TGFBR3: variants seen among roughly 807,000 people sequenced by gnomAD.
The protein encoded by TGFBR3 is transforming growth factor beta receptor 3, also known as transforming growth factor beta receptor type 3.
Under a neutral mutation model 87.9 loss-of-function variants are expected in TGFBR3, and 46 were observed. The observed-to-expected ratio is 0.52, with a 90% confidence interval of 0.41 to 0.67. TGFBR3 has a LOEUF of 0.67. TGFBR3 is among the 30% of genes least tolerant of loss of function. The pLI, the probability that TGFBR3 is intolerant of heterozygous loss-of-function variation, is 0.00. For synonymous variants in TGFBR3, 381 were observed against 391.6 expected (o/e 0.97, Z 0.32); for missense variants, 866 against 1,041.9 (o/e 0.83, Z 2.32).
At chr1:91,738,938 G>A (rs1200832954) in intron 4 of TGFBR3, among the ~76,000 whole-genome samples, 2 of 152,280 alleles carry the variant, frequency 1.3e-5, no homozygotes, top group Non-Finnish European at 2.9e-5. Context: ...TAAAGGAGAC[G>A]AAAGAACAAA....
chr1:91,886,848 G>A (rs1679332738), upstream of TGFBR3, among the ~76,000 whole-genome samples: 1 of 151,888 alleles, frequency 6.6e-6, no homozygotes, highest in Non-Finnish European at 1.5e-5. Context: ...CAGCATTACC[G>A]GCGTTACCCG....
chr1:91,689,579 C>G (rs1671202661), intron 16 of TGFBR3, among the ~76,000 whole-genome samples: 1 of 152,066 alleles, frequency 6.6e-6, no homozygotes, highest in South Asian at 2.1e-4. Context: ...AACCGAAACA[C>G]ATGTTAATTA....
At position 91,682,419 on chromosome 1, in the gene TGFBR3, T is replaced by TTTC. The variant is rs1479758126; in HGVS notation, c.*1319_*1320insGAA. On this transcript the variant is annotated 3_prime_UTR_variant, in exon 17 of 17. Coordinates refer to ENST00000212355, the MANE Select transcript of TGFBR3 (RefSeq NM_003243.5). ...CCCTGGCATTCTTTTTTTTTTTTTT[T>TTTC]TTTTTTAACAAGGAGGTATCACTGA... The TTTC allele has an allele frequency of 2.3e-6, 1 of 426,252 alleles. No individual in the cohort carries two copies. The highest frequency in any genetic ancestry group is 4.6e-6 in the Non-Finnish European group (1 of 219,182). 26.4% of individuals were successfully genotyped at this position (426,252 alleles called of 1,614,324 possible). A position where few individuals can be genotyped will look rare whatever the true frequency, so the allele number is the denominator to read the frequency against.
At chr1:91,703,648 G>A (rs1437899369) in intron 14 of TGFBR3, among the ~76,000 whole-genome samples, 1 of 152,174 alleles carries the variant, frequency 6.6e-6, no homozygotes, top group Non-Finnish European at 1.5e-5. Flanking sequence ...CCGACGTGGT[G>A]TAATCATTTT....
At chr1:91,882,474 G>A (rs1032561684) in intron 1 of TGFBR3, among the ~76,000 whole-genome samples, 4 of 151,876 alleles carry the variant, frequency 2.6e-5, no homozygotes, top group South Asian at 2.1e-4. Flanking sequence ...GCCAGGCACC[G>A]TGGCTCACGC....
intron 4 of TGFBR3, among the ~76,000 whole-genome samples, chr1:91,736,105 G>A (rs1326907986): frequency 1.3e-5 from 2 of 151,946 alleles, no homozygotes; most frequent in African/African-American, 4.8e-5. Flanking sequence ...TTATATAAAC[G>A]TATCTTCTAA....
chr1:91,855,988 A>G (rs1268648093), intron 2 of TGFBR3, among the ~76,000 whole-genome samples: 1 of 151,836 alleles, frequency 6.6e-6, no homozygotes. Flanking sequence ...GCTCGTGTTC[A>G]CCAAGAGCAC....
chr1:91,707,282 C>T (rs1384531112), intron 14 of TGFBR3, among the ~76,000 whole-genome samples: 1 of 152,256 alleles, frequency 6.6e-6, no homozygotes, highest in South Asian at 2.1e-4. Flanking sequence ...GCCACCTATA[C>T]TCTTCTGCCA....
At position 91,893,828 on chromosome 1, in the gene TGFBR3, TTCAG is replaced by T. The variant is rs545598379; in HGVS notation, c.-114+5805_-114+5808del. Among the ~76,000 whole-genome samples, 66 of 151,980 alleles carry T rather than the reference TTCAG, an allele frequency of 4.3e-4. 2 individuals carry two copies. The highest frequency in any genetic ancestry group is 3.8e-4 in the Non-Finnish European group (26 of 68,012). On this transcript the variant is annotated intron_variant, in intron 2 of 17. Coordinates refer to the TGFBR3 transcript ENST00000370399. ...TAAGAATGTTTCTCTTCAAAAAGCG[TTCAG>T]TCAGTTGGAGGATTTAAAATTTTAT... is the stretch of plus-strand genomic sequence containing the variant.
intron 2 of TGFBR3, among the ~76,000 whole-genome samples, chr1:91,811,142 C>A (rs1676017030): frequency 6.6e-6 from 1 of 152,078 alleles, no homozygotes; most frequent in East Asian, 1.9e-4. Flanking sequence ...GAGACCTCAT[C>A]TCTACAAAAG....
At chr1:91,820,316 C>T (rs1211251902) in intron 2 of TGFBR3, among the ~76,000 whole-genome samples, 2 of 152,150 alleles carry the variant, frequency 1.3e-5, no homozygotes, top group African/African-American at 4.8e-5. Context: ...ACCATAACAA[C>T]ATCACTGTTA....
intron 2 of TGFBR3, among the ~76,000 whole-genome samples, chr1:91,849,382 T>G (rs1293897840): frequency 2.6e-5 from 4 of 152,146 alleles, no homozygotes; most frequent in Non-Finnish European, 5.9e-5. Context: ...CTGGCCCACC[T>G]GCTATTGCCT....
chr1:91,760,653 G>A (rs1486828976), intron 3 of TGFBR3, among the ~76,000 whole-genome samples: 7 of 152,114 alleles, frequency 4.6e-5, no homozygotes, highest in African/African-American at 9.7e-5. Context: ...CACACAGCTA[G>A]GATCATTTTT....
intron 2 of TGFBR3, among the ~76,000 whole-genome samples, chr1:91,803,744 TCC>T (rs1675730954): frequency 6.6e-6 from 1 of 152,070 alleles, no homozygotes. Context: ...CCGTTTCTGT[TCC>T]TTCCCACCAC....
chr1:91,886,145 C>G lies in TGFBR3; in HGVS notation c.-381G>C. 2.2e-6 allele frequency: 1 copy of G among 454,144 alleles called. No homozygotes were observed. The highest frequency in any genetic ancestry group is 4.4e-6 in the Non-Finnish European group (1 of 226,788). 28.1% of individuals were successfully genotyped at this position (454,144 alleles called of 1,614,324 possible). The stretch of plus-strand genomic sequence containing the variant: ...AGTGCCGCTCGGCGTCCCCGAAACC[C>G]TCGATTACCCCCATCAGGCCGACCC... On this transcript the variant is annotated 5_prime_UTR_variant, in exon 1 of 17. Transcript: ENST00000212355.
chr1:91,744,274 T>C (rs1356608121), intron 4 of TGFBR3, among the ~76,000 whole-genome samples: 1 of 151,848 alleles, frequency 6.6e-6, no homozygotes, highest in Non-Finnish European at 1.5e-5. Flanking sequence ...TTAGTAGATA[T>C]GGGGTTTCAC....
chr1:91,710,072 A>C (rs907919150), intron 13 of TGFBR3, among the ~76,000 whole-genome samples: 1 of 152,222 alleles, frequency 6.6e-6, no homozygotes, highest in Non-Finnish European at 1.5e-5. Context: ...CTCTAAAGTA[A>C]ATGACAGCTT....
chr1:91,786,344 C>T (rs1429316354), intron 3 of TGFBR3: 1 of 428,306 alleles, frequency 2.3e-6, no homozygotes, highest in Non-Finnish European at 4.7e-6. Flanking sequence ...AGGCCAGTCC[C>T]AGGAGACCAG....
rs371333258 is a variant in TGFBR3 at position 91,766,823 on chromosome 1, G to A, written c.247-8073C>T. Among the ~76,000 whole-genome samples, 5 of 133,002 alleles carry A rather than the reference G, an allele frequency of 3.8e-5. 1 individual carries two copies. The highest frequency in any genetic ancestry group is 2.0e-4 in the East Asian group (1 of 5,088). 87.3% of individuals were successfully genotyped at this position (133,002 alleles called of 152,430 possible). ...GCATGAGCAGATCCTGAATTCCAAC[G>A]GGACAGCTGACACCAACCAGTTTAA... is the stretch of plus-strand genomic sequence containing the variant. On this transcript the variant is annotated intron_variant, in intron 3 of 16. Coordinates refer to ENST00000212355, the MANE Select transcript of TGFBR3 (RefSeq NM_003243.5).
Sources: gnomAD v4.1 joint callset for allele counts (sites outside exome capture counted in the v4.1 genomes callset) on GRCh38, gnomAD v4.1.1 for gene constraint, MANE v1.5 for transcripts, NCBI Gene and HGNC (gene_info 2026-07-23, HGNC 2026-07-21) for gene names.